DAAM1: variants seen among roughly 807,000 people sequenced by gnomAD.
DAAM1 encodes disheveled-associated activator of morphogenesis 1.
In DAAM1, 52 loss-of-function variants were observed where a neutral mutation model predicts 130.0. The observed-to-expected ratio is 0.40, with a 90% CI of 0.32 to 0.50. The LOEUF (loss-of-function observed/expected upper bound fraction) is 0.50, where lower values mean the gene tolerates loss of function less well. Ranked by LOEUF, DAAM1 falls within the 20% of genes least tolerant of loss-of-function variation. The pLI is 0.61. For missense variants in DAAM1, 1,134 were observed against 1,303.8 expected (o/e 0.87, Z 2.01); for synonymous variants, 452 against 444.5 (o/e 1.02, Z -0.21).
chr14:59,251,403 G>A (rs1256331136), intron 1 of DAAM1, among the ~76,000 whole-genome samples: 1 of 150,242 alleles, frequency 6.7e-6, no homozygotes, highest in African/African-American at 2.4e-5. Context: ...TGGGGCTGAG[G>A]TTCTTCCCTC....
chr14:59,282,934 T>G (rs543158620), intron 2 of DAAM1, among the ~76,000 whole-genome samples: 1 of 152,130 alleles, frequency 6.6e-6, no homozygotes, highest in Admixed American at 6.6e-5. Context: ...TTTTGCTCAG[T>G]GAAAATTATC....
intron 1 of DAAM1, among the ~76,000 whole-genome samples, chr14:59,239,449 C>T (rs1331990578): frequency 6.6e-6 from 1 of 152,126 alleles, no homozygotes; most frequent in Non-Finnish European, 1.5e-5. Context: ...AAGTCAAGAG[C>T]AGAACACTCA....
chr14:59,267,707 A>G (rs1882508342), intron 2 of DAAM1, among the ~76,000 whole-genome samples: 1 of 151,830 alleles, frequency 6.6e-6, no homozygotes, highest in Non-Finnish European at 1.5e-5. Context: ...AACAAACAAT[A>G]ATCTTCTTTG....
intron 2 of DAAM1, among the ~76,000 whole-genome samples, chr14:59,284,990 C>T (rs181964992): frequency 2.2e-4 from 34 of 152,152 alleles, no homozygotes; most frequent in African/African-American, 8.2e-4. Flanking sequence ...GGGTAACCAT[C>T]CCTAAGACAC....
chr14:59,345,074 C>A (rs973561923), intron 16 of DAAM1, among the ~76,000 whole-genome samples: 1 of 152,090 alleles, frequency 6.6e-6, no homozygotes, highest in African/African-American at 2.4e-5. Context: ...CTTGCATGGC[C>A]ACACAATGGT....
intron 1 of DAAM1, among the ~76,000 whole-genome samples, chr14:59,190,063 C>A (rs771545917): frequency 6.6e-6 from 1 of 152,100 alleles, no homozygotes; most frequent in Non-Finnish European, 1.5e-5. Context: ...GAATCTTAGC[C>A]GCTGCCACTG....
At chr14:59,327,402 C>CTTTTTTTGTTTTTTTTTTTTTTTT (rs1885249770) in intron 12 of DAAM1, among the ~76,000 whole-genome samples, 1 of 58,992 alleles carries the variant, frequency 1.7e-5, no homozygotes, top group Admixed American at 2.5e-4. Context: ...CACTTGGTTT[C>CTTTTTTTGTTTTTTTTTTTTTTTT]TTTTTTTTTT....
chr14:59,338,025 A>G (rs1171680446), intron 15 of DAAM1, among the ~76,000 whole-genome samples: 2 of 152,192 alleles, frequency 1.3e-5, no homozygotes, highest in Non-Finnish European at 2.9e-5. Context: ...TAAAATCATC[A>G]TGTTGAATAA....
At chr14:59,325,535 T>G (rs1347942557) in intron 8 of DAAM1, 129 bp from the exon 9 acceptor site, 31 of 765,544 alleles carry the variant, frequency 4.0e-5, no homozygotes, top group Admixed American at 2.1e-4. Flanking sequence ...CTTTCAAATT[T>G]TGTTACATTG....
chr14:59,309,648 AC>A (rs962848173), intron 3 of DAAM1, among the ~76,000 whole-genome samples: 1 of 152,250 alleles, frequency 6.6e-6, no homozygotes, highest in Non-Finnish European at 1.5e-5. Flanking sequence ...TTGAATAGCT[AC>A]AACAGACTGT....
Position 59,369,127 on chromosome 14 carries a change from T to A in DAAM1, c.*268T>A. 1 of 327,790 alleles carries A rather than the reference T, an allele frequency of 3.1e-6. No individual in the cohort carries two copies. The highest frequency in any genetic ancestry group is 5.6e-6 in the Non-Finnish European group (1 of 178,000). 20.3% of individuals were successfully genotyped at this position (327,790 alleles called of 1,614,324 possible). On this transcript the variant is annotated 3_prime_UTR_variant, in exon 25 of 25. Coordinates refer to ENST00000360909, the MANE Select transcript of DAAM1 (RefSeq NM_001270520.2). ...AAACCTTTCGTGTATGCATTCACAT[T>A]GAGTGTGGCTCATTTTCTTTCCCCG...
intron 23 of DAAM1, among the ~76,000 whole-genome samples, chr14:59,364,260 T>C (rs1001079123): frequency 2.6e-5 from 4 of 152,198 alleles, no homozygotes; most frequent in Non-Finnish European, 4.4e-5. Context: ...GACAGGATAC[T>C]ACCTGTATAA....
At chr14:59,325,160 A>G (rs746862800) in intron 8 of DAAM1, among the ~76,000 whole-genome samples, 3 of 152,178 alleles carry the variant, frequency 2.0e-5, no homozygotes, top group Admixed American at 1.3e-4. Context: ...CTGTGTGTAC[A>G]TTATTCACCT....
intron 2 of DAAM1, among the ~76,000 whole-genome samples, chr14:59,269,203 A>G (rs751871102): frequency 3.9e-5 from 6 of 152,238 alleles, no homozygotes; most frequent in Non-Finnish European, 7.3e-5. Context: ...AAAGTGATCA[A>G]GTGCTATGGG....
Position 59,369,485 on chromosome 14 carries a change from T to C in DAAM1, c.*626T>C, listed in dbSNP as rs1401259167. The C allele has an allele frequency of 1.3e-5, 2 of 152,542 alleles. No individual in the cohort carries two copies. The highest frequency in any genetic ancestry group is 4.8e-5 in the African/African-American group (2 of 41,446). 9.4% of individuals were successfully genotyped at this position (152,542 alleles called of 1,614,324 possible). Reference sequence around the variant, plus strand: ...AACATCTTGCACACAATTTGAATTATGTAGAATGTCAATCAAGTTTTTGTA... The same window carrying C: ...AACATCTTGCACACAATTTGAATTACGTAGAATGTCAATCAAGTTTTTGTA... On this transcript the variant is annotated 3_prime_UTR_variant, in exon 25 of 25. Transcript: ENST00000360909.
chr14:59,312,010 A>AT (rs1174676807), intron 3 of DAAM1, among the ~76,000 whole-genome samples: 4 of 152,224 alleles, frequency 2.6e-5, no homozygotes, highest in Admixed American at 2.6e-4. Flanking sequence ...CTCTCTATAT[A>AT]TTTATTCCCC....
chr14:59,336,880 T>C (rs775878567), intron 15 of DAAM1, among the ~76,000 whole-genome samples: 8 of 152,202 alleles, frequency 5.3e-5, no homozygotes, highest in Non-Finnish European at 7.3e-5. Context: ...CACAACGCAT[T>C]ACGTGATTGT....
At chr14:59,259,074 C>G (rs1377335491) in intron 1 of DAAM1, among the ~76,000 whole-genome samples, 1 of 152,134 alleles carries the variant, frequency 6.6e-6, no homozygotes, top group African/African-American at 2.4e-5. Flanking sequence ...GACTTCTCGC[C>G]CCTCCTCAGT....
At chr14:59,197,571 A>C (rs1887938315) in intron 1 of DAAM1, among the ~76,000 whole-genome samples, 1 of 152,244 alleles carries the variant, frequency 6.6e-6, no homozygotes, top group South Asian at 2.1e-4. Context: ...AGATTCTGTG[A>C]GTAGGTAACA....
Sources: allele counts gnomAD v4.1 joint callset (sites outside exome capture counted in the v4.1 genomes callset), GRCh38; gene constraint gnomAD v4.1.1; transcripts MANE v1.5; gene names NCBI Gene and HGNC (gene_info 2026-07-23, HGNC 2026-07-21).